RFPL1: variants seen among roughly 807,000 people sequenced by gnomAD.
RFPL1 encodes ret finger protein-like 1.
A neutral mutation model predicts 9.6 loss-of-function variants in RFPL1; 6 were observed. The ratio of observed to expected loss-of-function variants is 0.62; its 90% CI spans 0.34 to 1.23. The LOEUF (loss-of-function observed/expected upper bound fraction) is 1.23. Among genes scored for constraint, RFPL1 ranks in the 50% most tolerant of loss-of-function variants. The probability of loss-of-function intolerance (pLI) is 0.03; values close to 1 mark genes in which losing one functional copy is unlikely to be tolerated. For synonymous variants in RFPL1, 145 were observed against 149.4 expected, an observed-to-expected ratio of 0.97 and a Z score of 0.22; for missense variants, 352 against 398.4, an observed-to-expected ratio of 0.88 and a Z score of 0.99.
the RFPL1 span, among the ~76,000 whole-genome samples, chr22:29,390,426 G>A: frequency 6.6e-6 from 1 of 151,892 alleles, no homozygotes. Flanking sequence ...TAGACTTACA[G>A]GAAATTGCAA....
At chr22:29,420,597 G>A in the RFPL1 span, among the ~76,000 whole-genome samples, 1 of 140,146 alleles carries the variant, frequency 7.1e-6, no homozygotes, top group African/African-American at 2.7e-5. Flanking sequence ...CCAAAGCCTT[G>A]GGATTACAGG....
the RFPL1 span, among the ~76,000 whole-genome samples, chr22:29,422,618 A>G: frequency 6.6e-6 from 1 of 151,948 alleles, no homozygotes; most frequent in Non-Finnish European, 1.5e-5. Context: ...TGGCGGGCAC[A>G]TGTAATCCCA....
At chr22:29,433,696 T>A (rs2062795132), upstream of RFPL1, 1 of 152,142 alleles carries the variant, frequency 6.6e-6, no homozygotes, top group Non-Finnish European at 1.5e-5. Flanking sequence ...AGTTCTCAGC[T>A]GTGAGTATAG....
At chr22:29,423,382 C>CTTTTTTTTT in the RFPL1 span, among the ~76,000 whole-genome samples, 1 of 134,432 alleles carries the variant, frequency 7.4e-6, no homozygotes. Context: ...AATCTATCAA[C>CTTTTTTTTT]TTTTTTTTTT....
the RFPL1 span, among the ~76,000 whole-genome samples, chr22:29,410,587 C>A: frequency 7.1e-4 from 56 of 78,694 alleles, no homozygotes; most frequent in African/African-American, 3.4e-3. Flanking sequence ...ATATATCTAT[C>A]TATATATAGA....
At chr22:29,434,038 T>A (rs943334643), upstream of RFPL1, among the ~76,000 whole-genome samples, 1 of 152,106 alleles carries the variant, frequency 6.6e-6, no homozygotes, top group African/African-American at 2.4e-5. Context: ...CAAATTTTTT[T>A]GAGATGTGGT....
chr22:29,429,756 T>C, the RFPL1 span, among the ~76,000 whole-genome samples: 1 of 152,214 alleles, frequency 6.6e-6, no homozygotes, highest in Non-Finnish European at 1.5e-5. Flanking sequence ...AAAAAACTGT[T>C]AGAAATGACA....
chr22:29,409,501 T>C, the RFPL1 span, among the ~76,000 whole-genome samples: 2 of 152,062 alleles, frequency 1.3e-5, no homozygotes, highest in African/African-American at 2.4e-5. Flanking sequence ...CCAGCCCCGG[T>C]CCACATCCCC....
chr22:29,431,395 T>C, the RFPL1 span, among the ~76,000 whole-genome samples: 4 of 152,210 alleles, frequency 2.6e-5, no homozygotes, highest in African/African-American at 9.6e-5. Flanking sequence ...AATGACAGTC[T>C]TCATTTTCCT....
At chr22:29,396,504 C>T in the RFPL1 span, among the ~76,000 whole-genome samples, 2 of 152,310 alleles carry the variant, frequency 1.3e-5, no homozygotes, top group African/African-American at 4.8e-5. Flanking sequence ...GTTAAAGCAG[C>T]ACAAGACAGA....
chr22:29,432,062 C>T, the RFPL1 span, among the ~76,000 whole-genome samples: 1 of 152,198 alleles, frequency 6.6e-6, no homozygotes, highest in Admixed American at 6.5e-5. Context: ...GCATTTTACA[C>T]TGAAGGTGTG....
At chr22:29,442,257 T>C (rs1413672495) in exon 2 of RFPL1, 40 of 580,238 alleles carry the variant, frequency 6.9e-5, no homozygotes, top group Non-Finnish European at 9.9e-5. Context: ...TTATACTTAA[T>C]CTAATTTGAT....
exon 1 of RFPL1, chr22:29,439,090 C>T (rs751551993): frequency 6.2e-7 from 1 of 1,614,158 alleles, no homozygotes; most frequent in Non-Finnish European, 8.5e-7. Flanking sequence ...GAGAGGCTGG[C>T]TTCCCACATC....
chr22:29,441,856 A>G (rs759147304), exon 2 of RFPL1: 5 of 1,613,858 alleles, frequency 3.1e-6, no homozygotes, highest in Admixed American at 1.7e-5. Flanking sequence ...CTCTGCCAGC[A>G]CGGTGCCGCT....
chr22:29,427,891 C>T, the RFPL1 span, among the ~76,000 whole-genome samples: 1 of 152,162 alleles, frequency 6.6e-6, no homozygotes, highest in Non-Finnish European at 1.5e-5. Flanking sequence ...GGTCAAACAA[C>T]CTTGATGTTA....
chr22:29,408,729 T>C, the RFPL1 span, among the ~76,000 whole-genome samples: 17 of 152,194 alleles, frequency 1.1e-4, no homozygotes, highest in Non-Finnish European at 7.3e-5. Context: ...TGAGGCCTGA[T>C]TGAAAATGGC....
chr22:29,397,196 A>T, the RFPL1 span, among the ~76,000 whole-genome samples: 1 of 152,174 alleles, frequency 6.6e-6, no homozygotes, highest in East Asian at 1.9e-4. Context: ...GGCTTGAGCC[A>T]CCGCGCCCGG....
chr22:29,425,203 C>CAA, the RFPL1 span, among the ~76,000 whole-genome samples: 28 of 78,500 alleles, frequency 3.6e-4, no homozygotes, highest in Non-Finnish European at 6.3e-4. Flanking sequence ...GACTCCGTCT[C>CAA]AAAAAAAAAA....
chr22:29,410,497 CTATA>C, the RFPL1 span, among the ~76,000 whole-genome samples: 1 of 90,678 alleles, frequency 1.1e-5, no homozygotes, highest in African/African-American at 4.9e-5. Flanking sequence ...AGATATATAT[CTATA>C]TATAGAGAGA....
Sources: gnomAD v4.1 joint callset for allele counts (sites outside exome capture counted in the v4.1 genomes callset) on GRCh38, gnomAD v4.1.1 for gene constraint, MANE v1.5 for transcripts, NCBI Gene and HGNC (gene_info 2026-07-23, HGNC 2026-07-21) for gene names.